Variants in ACBD6 observed in about 807,000 individuals in gnomAD.
ACBD6 encodes acyl-CoA binding domain containing 6.
In ACBD6, 28 loss-of-function variants were observed where a neutral mutation model predicts 37.2. That is an observed-to-expected ratio of 0.75 (90% CI 0.56 to 1.03). ACBD6 has a LOEUF of 1.03. ACBD6 is among the 50% of genes least tolerant of loss of function. The pLI is 0.00. For missense variants in ACBD6, 340 were observed against 337.4 expected, an observed-to-expected ratio of 1.01 and a Z score of -0.06; for synonymous variants, 113 against 126.8, an observed-to-expected ratio of 0.89 and a Z score of 0.73.
intron 7 of ACBD6, among the ~76,000 whole-genome samples, chr1:180,288,762 C>A (rs931171698): frequency 6.6e-6 from 1 of 152,104 alleles, no homozygotes; most frequent in East Asian, 1.9e-4. Context: ...AATATATATT[C>A]TAAATTGTGA....
At chr1:180,494,312 C>A (rs1651641090) in intron 2 of ACBD6, among the ~76,000 whole-genome samples, 1 of 151,408 alleles carries the variant, frequency 6.6e-6, no homozygotes, top group Non-Finnish European at 1.5e-5. Flanking sequence ...AGGCAAAGCA[C>A]AGAAAAAAAT....
chr1:180,321,729 C>A (rs1042717869), intron 6 of ACBD6, among the ~76,000 whole-genome samples: 10 of 152,046 alleles, frequency 6.6e-5, no homozygotes. Context: ...TGCAACTTTA[C>A]TGAATTTGTT....
intron 6 of ACBD6, among the ~76,000 whole-genome samples, chr1:180,384,703 T>C (rs1049545970): frequency 1.3e-5 from 2 of 152,226 alleles, no homozygotes; most frequent in Non-Finnish European, 2.9e-5. Flanking sequence ...TGCACTTTGA[T>C]GTTCACTGTA....
intron 6 of ACBD6, among the ~76,000 whole-genome samples, chr1:180,388,241 G>C (rs892318735): frequency 1.3e-5 from 2 of 151,062 alleles, no homozygotes; most frequent in Non-Finnish European, 2.9e-5. Context: ...CTCAATTCTT[G>C]AGGTCCCTAG....
chr1:180,458,336 A>G (rs1256352451), intron 3 of ACBD6, among the ~76,000 whole-genome samples: 4 of 152,256 alleles, frequency 2.6e-5, no homozygotes, highest in Admixed American at 1.3e-4. Context: ...ACGCAACAGC[A>G]TAAGTACTTT....
At chr1:180,338,519 AAATT>A (rs1216079032) in intron 6 of ACBD6, among the ~76,000 whole-genome samples, 3 of 152,258 alleles carry the variant, frequency 2.0e-5, no homozygotes, top group Non-Finnish European at 2.9e-5. Flanking sequence ...CCTTCTACAA[AAATT>A]AATTCAAGAT....
intron 3 of ACBD6, among the ~76,000 whole-genome samples, chr1:180,437,823 C>T (rs1305541515): frequency 6.6e-6 from 1 of 151,934 alleles, no homozygotes; most frequent in African/African-American, 2.4e-5. Context: ...TAGAGAAGGC[C>T]CTTTGAATAA....
intron 2 of ACBD6, among the ~76,000 whole-genome samples, chr1:180,493,100 T>A (rs902689039): frequency 1.3e-5 from 2 of 151,472 alleles, no homozygotes; most frequent in Non-Finnish European, 2.9e-5. Flanking sequence ...GATACAAAAA[T>A]TAGCCAGGCG....
chr1:180,270,895 CCCAG>C, exon 14 of ACBD6: 6 of 235,502 alleles, frequency 2.5e-5, no homozygotes, highest in South Asian at 1.1e-4. Context: ...TGGCTGTGAG[CCCAG>C]CGACGCCAGG....
chr1:180,299,438 G>A (rs1378202475), intron 7 of ACBD6, among the ~76,000 whole-genome samples: 2 of 152,188 alleles, frequency 1.3e-5, no homozygotes, highest in Non-Finnish European at 2.9e-5. Flanking sequence ...TGGTACCCTG[G>A]GAACCTCTAT....
intron 6 of ACBD6, among the ~76,000 whole-genome samples, chr1:180,383,316 T>C (rs560340047): frequency 4.6e-5 from 7 of 152,270 alleles, no homozygotes; most frequent in African/African-American, 1.7e-4. Context: ...AAAAATCTCT[T>C]AGATCTAATA....
At chr1:180,482,237 T>C (rs938595088) in intron 3 of ACBD6, among the ~76,000 whole-genome samples, 6 of 152,110 alleles carry the variant, frequency 3.9e-5, no homozygotes, top group Non-Finnish European at 8.8e-5. Context: ...AGGTAAAAGA[T>C]AACTAGCTGA....
chr1:180,333,130 T>C (rs1303201133), intron 6 of ACBD6, among the ~76,000 whole-genome samples: 1 of 152,232 alleles, frequency 6.6e-6, no homozygotes, highest in African/African-American at 2.4e-5. Flanking sequence ...AAAACCATCA[T>C]GTTACTATAT....
chr1:180,321,622 T>G (rs998539568), intron 6 of ACBD6, among the ~76,000 whole-genome samples: 5 of 152,172 alleles, frequency 3.3e-5, no homozygotes, highest in East Asian at 3.9e-4. Context: ...AAGCCAAGAT[T>G]GCACCACTGC....
intron 6 of ACBD6, among the ~76,000 whole-genome samples, chr1:180,316,144 T>C (rs192896024): frequency 1.3e-5 from 2 of 152,228 alleles, no homozygotes; most frequent in African/African-American, 2.4e-5. Context: ...CTATAGTGAA[T>C]AGTATCTGAG....
chr1:180,314,304 G>A (rs1252206395), intron 7 of ACBD6, among the ~76,000 whole-genome samples: 2 of 152,108 alleles, frequency 1.3e-5, no homozygotes, highest in African/African-American at 4.8e-5. Flanking sequence ...GAGTGCAGTG[G>A]TGCAATCTCG....
At chr1:180,449,786 T>A (rs951606766) in intron 3 of ACBD6, among the ~76,000 whole-genome samples, 2 of 151,338 alleles carry the variant, frequency 1.3e-5, no homozygotes, top group African/African-American at 4.9e-5. Flanking sequence ...GGGGGAGGGA[T>A]AGCATTAAGA....
intron 4 of ACBD6, among the ~76,000 whole-genome samples, chr1:180,426,058 C>T (rs1338955395): frequency 6.6e-6 from 1 of 152,164 alleles, no homozygotes; most frequent in Non-Finnish European, 1.5e-5. Context: ...TTGTGTCTGA[C>T]CACAAGCAGC....
intron 3 of ACBD6, among the ~76,000 whole-genome samples, chr1:180,482,910 C>T (rs983838958): frequency 2.0e-5 from 3 of 152,144 alleles, no homozygotes; most frequent in East Asian, 1.9e-4. Flanking sequence ...ATTTTATACT[C>T]TTCCACACTG....
Sources: allele counts gnomAD v4.1 joint callset (sites outside exome capture counted in the v4.1 genomes callset), GRCh38; gene constraint gnomAD v4.1.1; transcripts MANE v1.5; gene names NCBI Gene and HGNC (gene_info 2026-07-23, HGNC 2026-07-21).